Variants in PCDH15 observed in about 807,000 individuals in gnomAD.
PCDH15 encodes protocadherin related 15.
PCDH15 carries 129 observed loss-of-function variants against 178.5 expected under a neutral mutation model. That is an observed-to-expected ratio of 0.72 (90% CI 0.63 to 0.84). The LOEUF is 0.84. Among genes scored for constraint, PCDH15 ranks in the 40% least tolerant of loss-of-function variants. PCDH15 has a pLI of 0.00. For synonymous variants in PCDH15, 800 were observed against 732.0 expected (o/e 1.09, Z -1.50); for missense variants, 2,230 against 2,099.9 (o/e 1.06, Z -1.21).
At chr10:54,060,161 T>C (rs938782890) in intron 18 of PCDH15, among the ~76,000 whole-genome samples, 1 of 152,222 alleles carries the variant, frequency 6.6e-6, no homozygotes, top group Non-Finnish European at 1.5e-5. Flanking sequence ...TGTACATTTG[T>C]TATTATCAAA....
rs71007805 is a variant in PCDH15 at position 54,049,624 on chromosome 10, A to ATT, written c.2220+17131_2220+17132dup. ...AGCTTTTTCTGCATCTATTGTGATG[A>ATT]TTTTTTTTTTTTTTGAGACGGAGTC... On this transcript the variant is annotated intron_variant, in intron 18 of 37. Coordinates refer to ENST00000644397, the MANE Select transcript of PCDH15 (RefSeq NM_001384140.1). Among the ~76,000 whole-genome samples the ATT allele has an allele frequency of 2.1e-3, 312 of 147,014 alleles. 2 individuals carry two copies. The highest frequency in any genetic ancestry group is 9.4e-3 in the East Asian group (46 of 4,918).
At chr10:55,298,204 G>T (rs918999656) in intron 1 of PCDH15, among the ~76,000 whole-genome samples, 1 of 152,152 alleles carries the variant, frequency 6.6e-6, no homozygotes, top group African/African-American at 2.4e-5. Flanking sequence ...AGGGGAATAA[G>T]AATGCATTTA....
At chr10:54,491,364 A>T (rs1322046164) in intron 3 of PCDH15, among the ~76,000 whole-genome samples, 3 of 151,822 alleles carry the variant, frequency 2.0e-5, no homozygotes, top group Non-Finnish European at 4.4e-5. Context: ...TCCAAGAAAT[A>T]TGATCAAATT....
chr10:54,272,075 T>C (rs1353658601), intron 8 of PCDH15, among the ~76,000 whole-genome samples: 1 of 148,092 alleles, frequency 6.8e-6, no homozygotes, highest in Non-Finnish European at 1.5e-5. Flanking sequence ...TGGTTAGGAG[T>C]AACACTCAGA....
chr10:54,362,025 A>C (rs1946126073), intron 5 of PCDH15, among the ~76,000 whole-genome samples: 3 of 152,102 alleles, frequency 2.0e-5, no homozygotes, highest in African/African-American at 7.2e-5. Context: ...AAATGAAAAC[A>C]ATGAACACAC....
intron 2 of PCDH15, among the ~76,000 whole-genome samples, chr10:54,530,090 A>G (rs1388965151): frequency 6.6e-6 from 1 of 152,072 alleles, no homozygotes; most frequent in African/African-American, 2.4e-5. Flanking sequence ...AATATTTTTG[A>G]ACCTTTTTAC....
At chr10:54,295,762 G>C in intron 8 of PCDH15, among the ~76,000 whole-genome samples, 1 of 152,152 alleles carries the variant, frequency 6.6e-6, no homozygotes, top group Non-Finnish European at 1.5e-5. Context: ...ACCAAGTAGT[G>C]AGTACCATCG....
At chr10:54,373,372 G>C (rs762140978) in intron 4 of PCDH15, among the ~76,000 whole-genome samples, 1 of 151,888 alleles carries the variant, frequency 6.6e-6, no homozygotes, top group East Asian at 1.9e-4. Flanking sequence ...GACAGTGAAA[G>C]GAAATAAGAC....
At chr10:53,838,399 GAATT>G (rs1227993985) in intron 29 of PCDH15, among the ~76,000 whole-genome samples, 5 of 152,096 alleles carry the variant, frequency 3.3e-5, no homozygotes, top group East Asian at 1.9e-4. Context: ...AACTTATTTA[GAATT>G]AATTAAAGAT....
intron 26 of PCDH15, among the ~76,000 whole-genome samples, chr10:53,878,475 A>ACT (rs2080438598): frequency 2.9e-5 from 2 of 68,062 alleles, no homozygotes; most frequent in African/African-American, 9.8e-5. Context: ...GCCATAGTAT[A>ACT]GTATATATAT....
intron 2 of PCDH15, among the ~76,000 whole-genome samples, chr10:55,476,833 G>C (rs886283722): frequency 1.3e-5 from 2 of 151,976 alleles, no homozygotes; most frequent in South Asian, 2.1e-4. Context: ...TTTACTCAAA[G>C]AAATAGATTC....
chr10:53,854,902 C>T (rs867264139), intron 28 of PCDH15, among the ~76,000 whole-genome samples: 2 of 152,022 alleles, frequency 1.3e-5, no homozygotes, highest in Admixed American at 6.6e-5. Context: ...TCAGAGCTTC[C>T]TTCACAATGA....
At chr10:55,505,041 T>C (rs780178475) in intron 2 of PCDH15, among the ~76,000 whole-genome samples, 1 of 151,444 alleles carries the variant, frequency 6.6e-6, no homozygotes, top group Admixed American at 6.6e-5. Context: ...TGTTCTGACT[T>C]GCATTGGAAA....
intron 26 of PCDH15, among the ~76,000 whole-genome samples, chr10:53,887,838 A>G (rs979094476): frequency 3.3e-5 from 5 of 152,142 alleles, no homozygotes; most frequent in Admixed American, 2.6e-4. Flanking sequence ...GCAGTGAGCC[A>G]AGATCGCGCC....
intron 2 of PCDH15, among the ~76,000 whole-genome samples, chr10:55,020,162 T>C (rs2131953461): frequency 6.7e-6 from 1 of 150,102 alleles, no homozygotes; most frequent in Admixed American, 6.7e-5. Flanking sequence ...ACTCTTCATA[T>C]AATATTCAAT....
At position 54,276,639 on chromosome 10, in the gene PCDH15, A is replaced by G. The variant is rs541494258; in HGVS notation, c.877-39708T>C. 1.0e-4 allele frequency among the ~76,000 whole-genome samples: 15 copies of G among 147,318 alleles called. No individual in the cohort carries two copies. The South Asian group carries it at 3.0e-3, about 29-fold the overall frequency. On this transcript the variant is annotated intron_variant, in intron 8 of 37. Coordinates refer to ENST00000644397, the MANE Select transcript of PCDH15 (RefSeq NM_001384140.1). ...TGTACATATATATAATAAAATCTAT[A>G]TAAGAATGTATACTGCAACATTTTA...
At chr10:54,838,648 T>G (rs1271097590) in intron 3 of PCDH15, among the ~76,000 whole-genome samples, 2 of 152,114 alleles carry the variant, frequency 1.3e-5, no homozygotes, top group Non-Finnish European at 2.9e-5. Context: ...CAGCAGATTC[T>G]CAAATGGCCA....
At chr10:54,354,301 T>A (rs1466702927) in intron 5 of PCDH15, among the ~76,000 whole-genome samples, 1 of 152,138 alleles carries the variant, frequency 6.6e-6, no homozygotes, top group Non-Finnish European at 1.5e-5. Context: ...AGCTTAGAAG[T>A]TGTTGAATAT....
chr10:53,928,555 T>C (rs1294628148), intron 25 of PCDH15, among the ~76,000 whole-genome samples: 1 of 152,092 alleles, frequency 6.6e-6, no homozygotes, highest in East Asian at 1.9e-4. Flanking sequence ...TTTATGCTTA[T>C]GTTATTCATG....
Sources: gnomAD v4.1 joint callset for allele counts (sites outside exome capture counted in the v4.1 genomes callset) on GRCh38, gnomAD v4.1.1 for gene constraint, MANE v1.5 for transcripts, NCBI Gene and HGNC (gene_info 2026-07-23, HGNC 2026-07-21) for gene names.